The following WDR72 variants were observed in gnomAD, a reference collection of about 807,000 sequenced individuals.
WDR72 encodes the protein WD repeat domain 72, also known as WD repeat-containing protein 72.
WDR72 carries 120 observed loss-of-function variants against 124.2 expected under a neutral mutation model. That is an observed-to-expected ratio of 0.97 (90% CI 0.83 to 1.12). The LOEUF is 1.12. Ranked by LOEUF, WDR72 falls within the 50% of genes most tolerant of loss-of-function variation. WDR72 has a pLI of 0.00. For synonymous variants in WDR72, 452 were observed against 441.7 expected, an observed-to-expected ratio of 1.02 and a Z score of -0.29; for missense variants, 1,387 against 1,278.8, an observed-to-expected ratio of 1.08 and a Z score of -1.29.
intron 18 of WDR72, among the ~76,000 whole-genome samples, chr15:53,548,662 G>C (rs567856812): frequency 2.7e-5 from 4 of 149,470 alleles, no homozygotes; most frequent in African/African-American, 9.9e-5. Flanking sequence ...TTTTTTTGGT[G>C]GGGGTTGAGG....
intron 2 of WDR72, among the ~76,000 whole-genome samples, chr15:53,726,377 T>G: frequency 6.7e-6 from 1 of 148,722 alleles, no homozygotes; most frequent in South Asian, 2.2e-4. Context: ...GATCAGGTAT[T>G]TCTGAAACTC....
At chr15:53,672,439 T>C (rs1449866461) in intron 13 of WDR72, among the ~76,000 whole-genome samples, 1 of 152,210 alleles carries the variant, frequency 6.6e-6, no homozygotes, top group Non-Finnish European at 1.5e-5. Flanking sequence ...AATCAGTATG[T>C]TGCTAAAATA....
In WDR72 at chr15:53,706,143, G is replaced by A. The variant is rs1007151511; in HGVS notation, c.955-69C>T. 5.3e-6 allele frequency: 8 copies of A among 1,498,076 alleles called. No homozygotes were observed. The African/African-American group carries it at 8.3e-5, about 16-fold the overall frequency. The allele number at this position is 1,498,076 out of a possible 1,614,324, so 92.8% of individuals were successfully genotyped here. A position where few individuals can be genotyped will look rare whatever the true frequency, so the allele number is the denominator to read the frequency against. ...AGAGAGATGGCCACTGTTTTTAAAT[G>A]GAGAAACAAGACTTAATAACTGAAT... On this transcript the variant is annotated intron_variant, in intron 9 of 19. Coordinates refer to ENST00000360509, the MANE Select transcript of WDR72 (RefSeq NM_182758.4).
At chr15:53,591,569 T>A (rs1213061783) in intron 18 of WDR72, among the ~76,000 whole-genome samples, 1 of 152,028 alleles carries the variant, frequency 6.6e-6, no homozygotes, top group Admixed American at 6.6e-5. Context: ...TGCTTATAAA[T>A]GCTTGTACAC....
rs555400617 is a variant in WDR72 at position 53,616,178 on chromosome 15, G to A, written c.2028C>T (p.Asn676=). The A allele has an allele frequency of 5.0e-6, 8 of 1,607,566 alleles. No homozygotes were observed. The highest frequency in any genetic ancestry group is 1.3e-5 in the African/African-American group (1 of 74,782). ...NVLPVKTKWS[N]VGFHILLFDL... is the part of the protein sequence containing the mutation. ...CAAATAGAAGAATATGAAAGCCAACGTTACTCCATTTTGTCTTCACAGGCA... is the reference window on the plus strand; with the variant it reads ...CAAATAGAAGAATATGAAAGCCAACATTACTCCATTTTGTCTTCACAGGCA... The change falls in exon 15 of 20, where the codon AAC becomes AAT. Residue 676 remains asparagine, a synonymous_variant. Transcript: ENST00000360509.
At chr15:53,656,545 T>C (rs2015427236) in intron 14 of WDR72, among the ~76,000 whole-genome samples, 1 of 152,160 alleles carries the variant, frequency 6.6e-6, no homozygotes, top group African/African-American at 2.4e-5. Flanking sequence ...ACATAAGTCA[T>C]TGGTACAGAA....
chr15:53,670,811 C>T (rs912952807), intron 13 of WDR72, among the ~76,000 whole-genome samples: 7 of 152,110 alleles, frequency 4.6e-5, no homozygotes, highest in Non-Finnish European at 2.9e-5. Flanking sequence ...CTTTGTCACA[C>T]GAGAGAGGTC....
intron 14 of WDR72, among the ~76,000 whole-genome samples, chr15:53,635,169 C>T (rs539299052): frequency 1.3e-5 from 2 of 152,310 alleles, no homozygotes; most frequent in African/African-American, 4.8e-5. Flanking sequence ...TAGGGTAGAA[C>T]AGTAAGTAGG....
intron 14 of WDR72, among the ~76,000 whole-genome samples, chr15:53,643,475 C>T (rs2014927847): frequency 1.3e-5 from 2 of 152,006 alleles, no homozygotes; most frequent in African/African-American, 4.8e-5. Flanking sequence ...TCACCTAAAA[C>T]GTTAAAGTCC....
intron 14 of WDR72, among the ~76,000 whole-genome samples, chr15:53,618,337 T>C (rs2013851736): frequency 6.6e-6 from 1 of 152,010 alleles, no homozygotes; most frequent in Non-Finnish European, 1.5e-5. Flanking sequence ...TAATTTCTTT[T>C]GATAGTTTTA....
At chr15:53,657,571 GT>G (rs1567009550) in intron 14 of WDR72, among the ~76,000 whole-genome samples, 1 of 152,040 alleles carries the variant, frequency 6.6e-6, no homozygotes, top group African/African-American at 2.4e-5. Context: ...TACAAATGGA[GT>G]ATTTAATCCA....
chr15:53,716,689 G>A lies in WDR72; in HGVS notation c.261-4C>T. The A allele has an allele frequency of 1.3e-6, 2 of 1,570,924 alleles. No individual in the cohort carries two copies. Among genetic ancestry groups the A allele is most frequent in the Non-Finnish European group, 1.7e-6 (2 of 1,151,714 alleles). ...GACATTCCAAACACACATCTCCCTA[G>A]CAGAAGATAACTTTGTGTTATTCTC... is the stretch of plus-strand genomic sequence containing the variant. On this transcript the variant is annotated splice_region_variant and splice_polypyrimidine_tract_variant and intron_variant, in intron 3 of 19. Transcript: ENST00000360509.
intron 8 of WDR72, 22 bp downstream of exon 8, chr15:53,711,314 T>G (rs376426185): frequency 6.2e-7 from 1 of 1,614,114 alleles, no homozygotes; most frequent in Non-Finnish European, 8.5e-7. Context: ...ATGTTTTGTA[T>G]GCCGCTCCCA....
chr15:53,594,592 C>A (rs1036278487), intron 18 of WDR72, among the ~76,000 whole-genome samples: 3 of 147,736 alleles, frequency 2.0e-5, no homozygotes, highest in Non-Finnish European at 4.5e-5. Flanking sequence ...GCCTGGGCAA[C>A]ATGTTGACAT....
intron 1 of WDR72, among the ~76,000 whole-genome samples, chr15:53,755,804 G>A (rs2018887622): frequency 6.6e-6 from 1 of 152,206 alleles, no homozygotes; most frequent in African/African-American, 2.4e-5. Context: ...ATCAAGAAGA[G>A]TTTCTCCAAG....
At chr15:53,546,854 T>G (rs1199282275) in intron 18 of WDR72, among the ~76,000 whole-genome samples, 1 of 152,208 alleles carries the variant, frequency 6.6e-6, no homozygotes, top group Non-Finnish European at 1.5e-5. Flanking sequence ...CTTAAGCGAT[T>G]ATAATGCTCA....
At chr15:53,726,248 A>C in intron 2 of WDR72, among the ~76,000 whole-genome samples, 1 of 97,394 alleles carries the variant, frequency 1.0e-5, no homozygotes, top group South Asian at 3.6e-4. Flanking sequence ...ATGTGTGTAT[A>C]TATATATGTA....
chr15:53,618,954 C>A (rs2013877465), intron 14 of WDR72, among the ~76,000 whole-genome samples: 1 of 151,952 alleles, frequency 6.6e-6, no homozygotes, highest in African/African-American at 2.4e-5. Flanking sequence ...GCAATCCCTT[C>A]AAAATTTTTC....
chr15:53,659,513 C>T (rs1211763570), intron 14 of WDR72, among the ~76,000 whole-genome samples: 6 of 152,132 alleles, frequency 3.9e-5, no homozygotes, highest in Non-Finnish European at 5.9e-5. Context: ...GCGAGGTGGA[C>T]AGCTGGAGTC....
Sources: allele counts gnomAD v4.1 joint callset (sites outside exome capture counted in the v4.1 genomes callset), GRCh38; gene constraint gnomAD v4.1.1; transcripts MANE v1.5; gene names NCBI Gene and HGNC (gene_info 2026-07-23, HGNC 2026-07-21).